Variants in TAX1BP1 observed in about 807,000 individuals in gnomAD.
The protein encoded by TAX1BP1 is Tax1 binding protein 1, also known as tax1-binding protein 1.
Under a neutral mutation model 97.7 loss-of-function variants are expected in TAX1BP1, and 62 were observed. The ratio of observed to expected loss-of-function variants is 0.63; its 90% confidence interval spans 0.52 to 0.78. The LOEUF is 0.78. Among genes scored for constraint, TAX1BP1 ranks in the 30% least tolerant of loss-of-function variants. TAX1BP1 has a pLI of 0.00. For synonymous variants in TAX1BP1, 340 were observed against 304.2 expected (o/e 1.12, Z -1.23); for missense variants, 867 against 916.1 (o/e 0.95, Z 0.69).
intron 5 of TAX1BP1, among the ~76,000 whole-genome samples, chr7:27,783,745 G>A (rs570618819): frequency 1.3e-5 from 2 of 152,206 alleles, no homozygotes; most frequent in African/African-American, 4.8e-5. Context: ...AGTGCCAAGA[G>A]AGCACTGGTG....
At chr7:27,781,312 T>C (rs1216483350) in intron 5 of TAX1BP1, among the ~76,000 whole-genome samples, 1 of 152,218 alleles carries the variant, frequency 6.6e-6, no homozygotes, top group Non-Finnish European at 1.5e-5. Context: ...GATGATTTCC[T>C]CTTTGTGCAA....
At position 27,765,969 on chromosome 7, in the gene TAX1BP1, A is replaced by G; in HGVS notation, c.401A>G (p.Asp134Gly). ...SPVEELLTME[D>G]EGNSDMLVVT... ...GTTGAAGAGCTGCTTACTATGGAAG[A>G]TGAAGGAAATTCTGACATGTTAGTG... The change falls in exon 4 of 17, where the codon GAT becomes GGT. Residue 134 changes from aspartate to glycine, a missense_variant. Physicochemically the swap from Asp to Gly is moderately conservative, Grantham distance 94. Transcript: ENST00000396319. 6.2e-7 allele frequency: 1 copy of G among 1,614,162 alleles called. No homozygotes were observed. The highest frequency in any genetic ancestry group is 8.5e-7 in the Non-Finnish European group (1 of 1,180,030).
intron 12 of TAX1BP1, among the ~76,000 whole-genome samples, chr7:27,799,133 T>C (rs1270689350): frequency 2.0e-5 from 3 of 152,200 alleles, no homozygotes; most frequent in African/African-American, 7.2e-5. Context: ...AGTTTTATAA[T>C]CAGCTTTTCT....
intron 16 of TAX1BP1, 45 bp downstream of exon 16, chr7:27,827,865 G>T: frequency 1.9e-6 from 3 of 1,566,630 alleles, no homozygotes; most frequent in Non-Finnish European, 2.6e-6. Context: ...ATATCGGCCA[G>T]TGGTTCTCAA....
At chr7:27,765,791 A>G in intron 3 of TAX1BP1, 43 bp from the exon 4 acceptor site, 1 of 1,515,022 alleles carries the variant, frequency 6.6e-7, no homozygotes, top group Non-Finnish European at 9.1e-7. Flanking sequence ...CATGAATTTT[A>G]TAATAGGAAG....
chr7:27,753,214 C>A (rs945197231), intron 2 of TAX1BP1, among the ~76,000 whole-genome samples: 1 of 152,156 alleles, frequency 6.6e-6, no homozygotes, highest in Admixed American at 6.5e-5. Flanking sequence ...ACATGAGTAT[C>A]GCTTGAACCC....
chr7:27,759,967 C>T (rs1454208033), intron 3 of TAX1BP1, among the ~76,000 whole-genome samples: 1 of 151,320 alleles, frequency 6.6e-6, no homozygotes, highest in Non-Finnish European at 1.5e-5. Context: ...GATTCTTGTG[C>T]CTCAGCCTCC....
In TAX1BP1 at chr7:27,800,045, T is replaced by C. The variant is rs1583390167; in HGVS notation, c.1719T>C (p.Ala573=). 10 of 1,600,860 alleles carry C rather than the reference T, an allele frequency of 6.2e-6. No homozygotes were observed. Among genetic ancestry groups the C allele is most frequent in the Non-Finnish European group, 8.5e-6 (10 of 1,173,866 alleles). Residue 573 remains alanine, a synonymous_variant, in exon 13 of 17, where the codon GCT becomes GCC. Transcript: ENST00000396319. The part of the protein sequence containing the change: ...ELKWKEQVKI[A]ENVKLELAEV... Reference sequence around the variant, plus strand: ...AATGGAAAGAACAAGTGAAAATTGCTGAAAATGTAAAACTTGAACTAGCTG... The same window carrying C: ...AATGGAAAGAACAAGTGAAAATTGCCGAAAATGTAAAACTTGAACTAGCTG...
At chr7:27,788,548 T>C (rs1789578823) in intron 8 of TAX1BP1, among the ~76,000 whole-genome samples, 1 of 152,096 alleles carries the variant, frequency 6.6e-6, no homozygotes, top group Non-Finnish European at 1.5e-5. Flanking sequence ...GTAGGTAATC[T>C]TTTATCATGA....
chr7:27,748,610 A>G lies in TAX1BP1; in HGVS notation c.86A>G (p.Asn29Ser), dbSNP rs1397867615. The G allele has an allele frequency of 6.2e-7, 1 of 1,605,648 alleles. No homozygotes were observed. Among genetic ancestry groups the G allele is most frequent in the African/African-American group, 1.3e-5 (1 of 74,870 alleles). Residue 29 changes from asparagine (N) to serine (S), a missense_variant, in exon 2 of 17, where the codon AAT becomes AGT. Asn to Ser is a conservative substitution (Grantham distance 46). Transcript: ENST00000396319. The stretch of plus-strand genomic sequence containing the variant: ...AATGTGGCCAAGAGTTACCTTCCTA[A>G]TGCACACCTGGAATGTCATTACACC... ...FQNVAKSYLP[N>S]AHLECHYTLT...
intron 8 of TAX1BP1, 126 bp downstream of exon 8, chr7:27,787,729 G>A: frequency 1.1e-6 from 1 of 870,548 alleles, no homozygotes; most frequent in Non-Finnish European, 1.7e-6. Context: ...CAAAACAGTT[G>A]GAAGAACAGA....
chr7:27,767,156 T>C (rs1452637831), intron 4 of TAX1BP1, among the ~76,000 whole-genome samples: 3 of 152,164 alleles, frequency 2.0e-5, no homozygotes, highest in Admixed American at 2.0e-4. Context: ...TACAGTGTTA[T>C]ATTTGAGTTA....
chr7:27,780,865 T>C (rs1260560479), intron 5 of TAX1BP1, among the ~76,000 whole-genome samples: 1 of 152,160 alleles, frequency 6.6e-6, no homozygotes, highest in Non-Finnish European at 1.5e-5. Flanking sequence ...AATTTTTGTA[T>C]TGATAAGTAC....
intron 3 of TAX1BP1, among the ~76,000 whole-genome samples, chr7:27,761,659 G>T (rs1562704243): frequency 6.6e-6 from 1 of 152,160 alleles, no homozygotes; most frequent in Non-Finnish European, 1.5e-5. Flanking sequence ...TTAGTGGTTT[G>T]AATAGCTCAT....
intron 2 of TAX1BP1, among the ~76,000 whole-genome samples, chr7:27,754,730 G>A (rs1788147156): frequency 6.6e-6 from 1 of 151,840 alleles, no homozygotes; most frequent in African/African-American, 2.4e-5. Flanking sequence ...CCGCCACCAC[G>A]CCCGGCTAAT....
chr7:27,822,011 A>C (rs141015508), intron 15 of TAX1BP1, among the ~76,000 whole-genome samples: 1 of 152,326 alleles, frequency 6.6e-6, no homozygotes, highest in African/African-American at 2.4e-5. Context: ...AACATGAAGA[A>C]TGGGTTTTAT....
At chr7:27,782,511 A>G (rs1025841202) in intron 5 of TAX1BP1, among the ~76,000 whole-genome samples, 43 of 152,224 alleles carry the variant, frequency 2.8e-4, no homozygotes, top group African/African-American at 8.9e-4. Flanking sequence ...AGGCCCCCCA[A>G]AGTGCTGGGA....
chr7:27,785,111 T>C, intron 5 of TAX1BP1, 52 bp from the exon 6 acceptor site: 1 of 1,537,224 alleles, frequency 6.5e-7, no homozygotes, highest in East Asian at 2.3e-5. Context: ...CAAATTTGCT[T>C]TACTGATTAT....
At chr7:27,754,111 A>C (rs549349223) in intron 2 of TAX1BP1, among the ~76,000 whole-genome samples, 2 of 152,056 alleles carry the variant, frequency 1.3e-5, no homozygotes, top group Non-Finnish European at 2.9e-5. Context: ...TAGACAAACA[A>C]AACCTCCCTG....
Sources: allele counts gnomAD v4.1 joint callset (sites outside exome capture counted in the v4.1 genomes callset), GRCh38; gene constraint gnomAD v4.1.1; transcripts MANE v1.5; gene names NCBI Gene and HGNC (gene_info 2026-07-23, HGNC 2026-07-21).